Variants in CUBN observed in about 807,000 individuals in gnomAD.
CUBN encodes the protein 460 kDa receptor.
In CUBN, 282 loss-of-function variants were observed where a neutral mutation model predicts 405.3. The ratio of observed to expected loss-of-function variants is 0.70; its 90% CI spans 0.63 to 0.77. CUBN has a LOEUF of 0.77. CUBN is among the 30% of genes least tolerant of loss of function. The probability of loss-of-function intolerance (pLI) is 0.00; values close to 1 mark genes in which losing one functional copy is unlikely to be tolerated. For missense variants in CUBN, 4,514 were observed against 4,475.2 expected (o/e 1.01, Z -0.25); for synonymous variants, 1,684 against 1,617.0 (o/e 1.04, Z -0.99).
At chr10:16,957,577 A>C (rs1843101446) in intron 31 of CUBN, among the ~76,000 whole-genome samples, 1 of 152,194 alleles carries the variant, frequency 6.6e-6, no homozygotes, top group South Asian at 2.1e-4. Context: ...TTAGAAAATA[A>C]TAAGGGCTGG....
chr10:17,127,102 C>T (rs1837210375), intron 3 of CUBN, among the ~76,000 whole-genome samples: 1 of 152,032 alleles, frequency 6.6e-6, no homozygotes, highest in Admixed American at 6.6e-5. Flanking sequence ...GTCAGTGATG[C>T]ATCCACTTCC....
intron 60 of CUBN, among the ~76,000 whole-genome samples, chr10:16,846,861 G>A (rs1365044760): frequency 6.6e-6 from 1 of 152,016 alleles, no homozygotes; most frequent in Admixed American, 6.6e-5. Flanking sequence ...GCACGGATGG[G>A]GTTGAGGAAA....
Position 16,874,502 on chromosome 10 carries a change from G to C in CUBN, c.9108C>G (p.Ser3036=). ...AAGAGAAATTGAACACACCACCACA[G>C]GCTGCAACAGAAGACAAGGGAATAT... The part of the protein sequence containing the change: ...FGFKFSYRII[S]CGGVFNFSSG... Residue 3036 remains serine (S), a splice_region_variant and synonymous_variant, in exon 58 of 67, where the codon TCC becomes TCG. Transcript: ENST00000377833. 1 of 1,614,118 alleles carries C rather than the reference G, an allele frequency of 6.2e-7. No individual in the cohort carries two copies. Among genetic ancestry groups the C allele is most frequent in the Non-Finnish European group, 8.5e-7 (1 of 1,180,000 alleles).
intron 4 of CUBN, among the ~76,000 whole-genome samples, chr10:17,124,601 T>C (rs1227044655): frequency 1.3e-5 from 2 of 151,220 alleles, no homozygotes; most frequent in Non-Finnish European, 2.9e-5. Flanking sequence ...GCTAATTTTT[T>C]GTATTTTTAG....
At chr10:16,837,211 T>C (rs1349118399) in intron 62 of CUBN, among the ~76,000 whole-genome samples, 6 of 151,834 alleles carry the variant, frequency 4.0e-5, no homozygotes, top group Non-Finnish European at 7.4e-5. Flanking sequence ...CCTTTCCACT[T>C]TGTGGCCTTA....
At chr10:17,105,311 T>C (rs549911144) in intron 11 of CUBN, 146 bp downstream of exon 11, 95 of 717,874 alleles carry the variant, frequency 1.3e-4, no homozygotes, top group African/African-American at 1.3e-3. Context: ...AATCATTATC[T>C]ATCTTTCATC....
chr10:16,984,217 AG>A lies in CUBN; in HGVS notation c.4412del (p.Pro1471LeufsTer14), dbSNP rs1228060051. The part of the protein sequence containing the change: ...RIAQLCTQRS[P>X]ENPMQVSSTG... ...TGCTGGAGACCTGCATGGGGTTCTC[AG>A]GTGATCTCTGGGTACACAGTTGGGC... On this transcript the variant is annotated frameshift_variant, in exon 30 of 67. Transcript: ENST00000377833. LOFTEE classifies it high-confidence loss of function. 31 of 1,614,018 alleles carry A rather than the reference AG, an allele frequency of 1.9e-5. No individual in the cohort carries two copies. The highest frequency in any genetic ancestry group is 2.5e-5 in the Non-Finnish European group (30 of 1,180,016).
chr10:16,956,777 C>G (rs1376520989), intron 31 of CUBN, among the ~76,000 whole-genome samples: 1 of 152,106 alleles, frequency 6.6e-6, no homozygotes, highest in Admixed American at 6.5e-5. Flanking sequence ...TTACTTCTCT[C>G]AAGATAATTT....
At chr10:16,883,421 C>T (rs1372948959) in intron 56 of CUBN, among the ~76,000 whole-genome samples, 1 of 152,186 alleles carries the variant, frequency 6.6e-6, no homozygotes, top group Non-Finnish European at 1.5e-5. Context: ...CCACTGCCCA[C>T]TTTTTTCTAA....
chr10:16,830,711 G>C (rs1838962040), intron 65 of CUBN, among the ~76,000 whole-genome samples: 1 of 152,106 alleles, frequency 6.6e-6, no homozygotes, highest in Non-Finnish European at 1.5e-5. Context: ...ATTTACCAAG[G>C]AATTTTTGAA....
chr10:17,028,653 G>A (rs372638232), intron 27 of CUBN, among the ~76,000 whole-genome samples: 15 of 151,636 alleles, frequency 9.9e-5, no homozygotes, highest in South Asian at 8.3e-4. Flanking sequence ...TCTGGGAGGC[G>A]GAGGTTGCAG....
chr10:16,908,553 TCTTA>T (rs990853870), intron 48 of CUBN, among the ~76,000 whole-genome samples: 14 of 152,258 alleles, frequency 9.2e-5, no homozygotes, highest in African/African-American at 3.1e-4. Context: ...GCTTCAATTT[TCTTA>T]CTTATTTGAA....
chr10:17,071,898 T>A lies in CUBN; in HGVS notation c.2375A>T (p.Asn792Ile), dbSNP rs750619863. 6.2e-7 allele frequency: 1 copy of A among 1,613,236 alleles called. No homozygotes were observed. Among genetic ancestry groups the A allele is most frequent in the Admixed American group, 1.7e-5 (1 of 60,006 alleles). The change falls in exon 18 of 67, where the codon AAT becomes ATT. Residue 792 changes from asparagine to isoleucine, a missense_variant. Transcript: ENST00000377833. Reference protein sequence around the residue: ...GTISHIKSITNSVWIRFKIDA... With the variant: ...GTISHIKSITISVWIRFKIDA... ...TATTTTAAACCTGATCCAGACACTATTAGTAATGGATTTAATGTGAGAGAT... is the reference window on the plus strand; with the variant it reads ...TATTTTAAACCTGATCCAGACACTAATAGTAATGGATTTAATGTGAGAGAT...
rs1437721573 is a variant in CUBN, at chr10:16,990,320, A to G, written c.4350+14T>C. The G allele has an allele frequency of 1.9e-6, 3 of 1,613,924 alleles. No individual in the cohort carries two copies. The highest frequency in any genetic ancestry group is 1.7e-4 in the Middle Eastern group (1 of 6,060). On this transcript the variant is annotated intron_variant, in intron 29 of 66. Coordinates refer to ENST00000377833, the MANE Select transcript of CUBN (RefSeq NM_001081.4). ...AACTTTGGAATGTGCTGAAAAAACCATCTCACTTCCTACCTCCAAGACATC... is the reference window on the plus strand; with the variant it reads ...AACTTTGGAATGTGCTGAAAAAACCGTCTCACTTCCTACCTCCAAGACATC...
At chr10:16,990,079 C>G (rs866814337) in intron 29 of CUBN, among the ~76,000 whole-genome samples, 1 of 152,234 alleles carries the variant, frequency 6.6e-6, no homozygotes, top group African/African-American at 2.4e-5. Context: ...CCTTCACTCA[C>G]TCGTCCTGGG....
At chr10:17,114,436 C>T (rs1836842097) in intron 7 of CUBN, among the ~76,000 whole-genome samples, 1 of 152,030 alleles carries the variant, frequency 6.6e-6, no homozygotes. Flanking sequence ...GAAAGAGTAA[C>T]AACAATCAAG....
intron 28 of CUBN, among the ~76,000 whole-genome samples, chr10:17,015,999 C>T (rs1476654288): frequency 1.3e-5 from 2 of 152,248 alleles, no homozygotes; most frequent in Non-Finnish European, 1.5e-5. Flanking sequence ...ACCGAGGTTA[C>T]CAGGTTTAAT....
chr10:17,090,868 A>C (rs1297091922), intron 14 of CUBN, among the ~76,000 whole-genome samples: 1 of 151,206 alleles, frequency 6.6e-6, no homozygotes, highest in Non-Finnish European at 1.5e-5. Context: ...TCAATATTCC[A>C]ATATAGTGTA....
intron 40 of CUBN, among the ~76,000 whole-genome samples, chr10:16,931,710 C>G (rs986372343): frequency 2.0e-5 from 3 of 152,182 alleles, no homozygotes; most frequent in Admixed American, 6.5e-5. Context: ...ATTTGTCTAT[C>G]TCACAGGTAG....
Sources: gnomAD v4.1 joint callset for allele counts (sites outside exome capture counted in the v4.1 genomes callset) on GRCh38, gnomAD v4.1.1 for gene constraint, MANE v1.5 for transcripts, NCBI Gene and HGNC (gene_info 2026-07-23, HGNC 2026-07-21) for gene names.